The following MED12 variants were observed in gnomAD, a reference collection of about 807,000 sequenced individuals.
The protein encoded by MED12 is mediator of RNA polymerase II transcription subunit 12.
In MED12, 10 loss-of-function variants were observed where a neutral mutation model predicts 177.7. The observed-to-expected ratio is 0.06, with a 90% confidence interval of 0.03 to 0.10. MED12 has a LOEUF of 0.10. MED12 is among the 10% of genes least tolerant of loss of function. MED12 has a pLI of 1.00. For synonymous variants in MED12, 641 were observed against 678.4 expected (o/e 0.94, Z 0.86); for missense variants, 867 against 1,780.8 (o/e 0.49, Z 9.23).
Position 71,126,492 on chromosome X carries a change from A to G in MED12, c.2685+8A>G. 5 of 1,211,756 alleles carry G rather than the reference A, an allele frequency of 4.1e-6. No individual in the cohort carries two copies. The highest frequency in any genetic ancestry group is 4.5e-6 in the Non-Finnish European group (4 of 895,307). ...ATCGACTTTGCCATTCAGGTGGGGA[A>G]GTTGGGGAGATGAGGGTGGAGGCAG... is the stretch of plus-strand genomic sequence containing the variant. On this transcript the variant is annotated splice_region_variant and intron_variant, in intron 19 of 44. Coordinates refer to ENST00000374080, the MANE Select transcript of MED12 (RefSeq NM_005120.3).
intron 36 of MED12, 100 bp from the exon 37 acceptor site, chrX:71,136,181 G>A: frequency 9.8e-7 from 1 of 1,015,291 alleles, no homozygotes; most frequent in South Asian, 1.9e-5. Flanking sequence ...CATCTCTCCT[G>A]AATCTGCCTA....
chrX:71,122,081 G>A (rs1020526436), intron 7 of MED12, 119 bp from the exon 8 acceptor site: 2 of 1,002,906 alleles, frequency 2.0e-6, no homozygotes, highest in Non-Finnish European at 2.8e-6. Flanking sequence ...AGTGATGCCT[G>A]TCTTGGGGAC....
intron 28 of MED12, among the ~76,000 whole-genome samples, chrX:71,131,238 C>T (rs186985619): frequency 1.9e-5 from 2 of 106,808 alleles, no homozygotes; most frequent in African/African-American, 3.5e-5. Flanking sequence ...AAACAATTCT[C>T]CTGCCTCAGC....
In MED12 at chrX:71,140,743, G is replaced by GCAGCAGCAGCAGCAA; in HGVS notation, c.6162_6176dup (p.Gln2072_Gln2076dup). ...GTTCAACAGCCATCCTACCTGAGCA[G>GCAGCAGCAGCAGCAA]CAGCAGCAGCAGCAACAGCAGCAAC... On this transcript the variant is annotated inframe_insertion, in exon 42 of 45. Transcript: ENST00000374080. The GCAGCAGCAGCAGCAA allele has an allele frequency of 8.3e-7, 1 of 1,210,377 alleles. No individual in the cohort carries two copies. The highest frequency in any genetic ancestry group is 1.1e-6 in the Non-Finnish European group (1 of 895,174).
intron 17 of MED12, 98 bp from the exon 18 acceptor site, chrX:71,125,930 TCTCCCTCC>T: frequency 3.0e-6 from 1 of 335,013 alleles, no homozygotes; most frequent in Admixed American, 3.1e-5. Flanking sequence ...TCCTTCCATC[TCTCCCTCC>T]CTCCCTCCCA....
chrX:71,138,475 C>T (rs956049378), intron 41 of MED12, among the ~76,000 whole-genome samples: 15 of 110,892 alleles, frequency 1.4e-4, no homozygotes, highest in African/African-American at 4.9e-4. Context: ...TACAGGCACA[C>T]ACCACCACGC....
At chrX:71,134,879 G>A (rs369942766) in intron 35 of MED12, 31 bp downstream of exon 35, 145 of 1,207,812 alleles carry the variant, frequency 1.2e-4, no homozygotes, top group Non-Finnish European at 4.6e-5. Flanking sequence ...CAAGGTTTGC[G>A]GTTACTGGAA....
chrX:71,132,598 G>A (rs1163513362), intron 31 of MED12, 60 bp downstream of exon 31: 25 of 1,124,651 alleles, frequency 2.2e-5, no homozygotes, highest in Middle Eastern at 5.3e-4. Flanking sequence ...AGGCAGGCCC[G>A]GGGAAGAATA....
chrX:71,121,680 C>T lies in MED12; in HGVS notation c.965C>T (p.Ala322Val), dbSNP rs2092289745. The change falls in exon 7 of 45, where the codon GCT (alanine) becomes GTT (valine). Residue 322 changes from alanine to valine, a missense_variant. Around this residue, in one of 14 missense-constraint regions of MED12, gnomAD observed 309 missense variants for 556.3 expected, o/e 0.56. Coordinates refer to ENST00000374080, the MANE Select transcript of MED12 (RefSeq NM_005120.3). ...AGTCACTCATCTCATGTTATATCTG[C>T]TCAGTCAACAAGCACGCTACCCACC... is the stretch of plus-strand genomic sequence containing the variant. ...VSSHSSHVIS[A>V]QSTSTLPTTP... is the part of the protein sequence containing the mutation. 1 of 1,211,621 alleles carries T rather than the reference C, an allele frequency of 8.3e-7. No individual in the cohort carries two copies. The highest frequency in any genetic ancestry group is 1.7e-5 in the African/African-American group (1 of 57,667).
At chrX:71,131,891 T>G (rs913810972) in intron 29 of MED12, among the ~76,000 whole-genome samples, 182 bp from the exon 30 acceptor site, 1 of 110,907 alleles carries the variant, frequency 9.0e-6, no homozygotes, top group East Asian at 2.8e-4. Context: ...GAGAAGACAG[T>G]GAGGAATTGG....
chrX:71,135,263 A>G lies in MED12; in HGVS notation c.5025+10A>G. 8.3e-7 allele frequency: 1 copy of G among 1,211,586 alleles called. No homozygotes were observed. The highest frequency in any genetic ancestry group is 1.1e-6 in the Non-Finnish European group (1 of 895,363). On this transcript the variant is annotated intron_variant, in intron 36 of 44. Coordinates refer to ENST00000374080, the MANE Select transcript of MED12 (RefSeq NM_005120.3). ...CATCTTCAAGAAGGAGGCATGTTCCATTGTCTGCCCGTGTCCCTTGCCTTT... is the reference window on the plus strand; with the variant it reads ...CATCTTCAAGAAGGAGGCATGTTCCGTTGTCTGCCCGTGTCCCTTGCCTTT...
intron 35 of MED12, 117 bp from the exon 36 acceptor site, chrX:71,134,975 C>A: frequency 8.7e-7 from 1 of 1,153,672 alleles, no homozygotes; most frequent in African/African-American, 1.8e-5. Flanking sequence ...TTACTCATGC[C>A]GTGAGCATTT....
chrX:71,121,756 T>C lies in MED12; in HGVS notation c.1041T>C (p.Ser347=). ...PTSSTPSTPF[S]DLLMCPQHRP... is the part of the protein sequence containing the mutation. ...GCAGCACACCCTCGACTCCCTTTAG[T>C]GACCTGCTTATGTGCCCTCAGCACC... Residue 347 remains serine (S), a synonymous_variant, in exon 7 of 45, where the codon AGT becomes AGC. Transcript: ENST00000374080. 8.3e-7 allele frequency: 1 copy of C among 1,211,788 alleles called. No homozygotes were observed. Among genetic ancestry groups the C allele is most frequent in the Middle Eastern group, 2.3e-4 (1 of 4,356 alleles).
At chrX:71,125,890 GT>G in intron 17 of MED12, 145 bp from the exon 18 acceptor site, 1 of 569,997 alleles carries the variant, frequency 1.8e-6, no homozygotes, top group Non-Finnish European at 3.0e-6. Context: ...TCCCTTCCCT[GT>G]TTCCCTCTTC....
chrX:71,131,501 T>G, intron 28 of MED12, 49 bp from the exon 29 acceptor site: 1 of 1,156,276 alleles, frequency 8.6e-7, no homozygotes. Context: ...GTTGGGTAGC[T>G]GGGGGTAACA....
At chrX:71,123,768 C>A (rs765651127) in intron 12 of MED12, 48 bp downstream of exon 12, 2 of 1,135,902 alleles carry the variant, frequency 1.8e-6, no homozygotes, top group Non-Finnish European at 2.4e-6. Flanking sequence ...GACTCAGTTA[C>A]CCACCACTGT....
chrX:71,124,647 A>G, intron 13 of MED12, 117 bp from the exon 14 acceptor site: 1 of 611,900 alleles, frequency 1.6e-6, no homozygotes, highest in South Asian at 2.4e-5. Context: ...GCTTGACTCC[A>G]GATCCTGTGC....
rs1207181109 is a variant in MED12 at position 71,120,006 on chromosome X, C to T, written c.397-8C>T. 3.3e-6 allele frequency: 4 copies of T among 1,209,880 alleles called. No homozygotes were observed. Among genetic ancestry groups the T allele is most frequent in the Non-Finnish European group, 4.5e-6 (4 of 895,018 alleles). Reference sequence around the variant, plus strand: ...ATAGAGACCTCACTATTTGCAATGTCCATCCAGGTCCCCATTTTCAGTAAG... The same window carrying T: ...ATAGAGACCTCACTATTTGCAATGTTCATCCAGGTCCCCATTTTCAGTAAG... On this transcript the variant is annotated splice_region_variant and splice_polypyrimidine_tract_variant and intron_variant, in intron 3 of 44. Transcript: ENST00000374080.
In MED12 at chrX:71,140,701, C is replaced by T. The variant is rs370522888; in HGVS notation, c.6111C>T (p.Gly2037=). 2.0e-5 allele frequency: 24 copies of T among 1,207,407 alleles called. No homozygotes were observed. Among genetic ancestry groups the T allele is most frequent in the South Asian group, 1.9e-4 (11 of 56,629 alleles). ...ISTMTPMSAQ[G]VQAGVRSTAI... ...CCATGACTCCAATGAGTGCCCAGGG[C>T]GTCCAGGCAGGCGTCCGTTCAACAG... The change falls in exon 42 of 45, where the codon GGC becomes GGT. Residue 2037 remains glycine, a synonymous_variant. Coordinates refer to ENST00000374080, the MANE Select transcript of MED12 (RefSeq NM_005120.3).
Sources: gnomAD v4.1 joint callset for allele counts (sites outside exome capture counted in the v4.1 genomes callset) on GRCh38, gnomAD v4.1.1 for gene constraint, gnomAD v4.1.1 regional missense constraint, MANE v1.5 for transcripts, NCBI Gene and HGNC (gene_info 2026-07-23, HGNC 2026-07-21) for gene names.